Variants in ERAP2 observed in about 807,000 individuals in gnomAD.
ERAP2 encodes endoplasmic reticulum aminopeptidase 2, also known as leukocyte-derived arginine aminopeptidase.
ERAP2 carries 118 observed loss-of-function variants against 111.1 expected under a neutral mutation model. The observed-to-expected ratio is 1.06, with a 90% CI of 0.92 to 1.24. The LOEUF is 1.24. ERAP2 is among the 50% of genes most tolerant of loss of function. ERAP2 has a pLI of 0.00. For missense variants in ERAP2, 1,131 were observed against 1,125.8 expected (o/e 1.00, Z -0.07); for synonymous variants, 410 against 401.2 (o/e 1.02, Z -0.26).
intron 7 of ERAP2, 122 bp from the exon 8 acceptor site, chr5:96,896,251 T>G: frequency 1.4e-6 from 1 of 733,700 alleles, no homozygotes. Context: ...AAAAGAAACA[T>G]CTCCCAAGAA....
rs780517450 is a variant in ERAP2, at chr5:96,886,745, T to C, written c.805T>C (p.Cys269Arg). 1.3e-6 allele frequency: 2 copies of C among 1,535,926 alleles called. No individual in the cohort carries two copies. The highest frequency in any genetic ancestry group is 1.8e-6 in the Non-Finnish European group (2 of 1,126,386). ...MSTYLVAYIVCDFHSLSGFTS... is the reference protein window; with the variant it reads ...MSTYLVAYIVRDFHSLSGFTS... Reference sequence around the variant, plus strand: ...TACATACCTTGTAGCCTACATAGTTTGTGATTTCCACTCTCTGAGTGGCTT... The same window carrying C: ...TACATACCTTGTAGCCTACATAGTTCGTGATTTCCACTCTCTGAGTGGCTT... Residue 269 changes from cysteine (C) to arginine (R), a missense_variant, in exon 4 of 19, where the codon TGT becomes CGT. Cys to Arg is a radical substitution (Grantham distance 180). Coordinates refer to ENST00000437043, the MANE Select transcript of ERAP2 (RefSeq NM_022350.5).
Position 96,880,156 on chromosome 5 carries a change from G to A in ERAP2, c.471G>A (p.Thr157=), listed in dbSNP as rs751958377. 1.2e-5 allele frequency: 19 copies of A among 1,613,888 alleles called. 1 individual carries two copies. The highest frequency in any genetic ancestry group is 1.7e-5 in the Admixed American group (1 of 59,968). ...QIALLVPEKL[T]PHLKYYVAMD... is the part of the protein sequence containing the mutation. ...CACTGCTGGTTCCAGAGAAACTTAC[G>A]CCTCACCTGAAATACTATGTGGCTA... The change falls in exon 2 of 19, where the codon ACG becomes ACA. Residue 157 remains threonine, a synonymous_variant. Transcript: ENST00000437043.
chr5:96,881,426 G>C, intron 2 of ERAP2: 1 of 456,208 alleles, frequency 2.2e-6, no homozygotes, highest in Non-Finnish European at 4.4e-6. Flanking sequence ...GAAGAATCAA[G>C]GATGCTTCAT....
chr5:96,883,771 TG>T lies in ERAP2; in HGVS notation c.576-16del, dbSNP rs747920343. ...CTTGATTTCACTTGTGCATTTTGGCTGGGGGTGGGTCTTTTCACAGAATTCT... is the reference window on the plus strand; with the variant it reads ...CTTGATTTCACTTGTGCATTTTGGCTGGGGTGGGTCTTTTCACAGAATTCT... On this transcript the variant is annotated intron_variant, in intron 2 of 18. Coordinates refer to ENST00000437043, the MANE Select transcript of ERAP2 (RefSeq NM_022350.5). 2.5e-6 allele frequency: 4 copies of T among 1,601,972 alleles called. No individual in the cohort carries two copies. The highest frequency in any genetic ancestry group is 3.4e-6 in the Non-Finnish European group (4 of 1,175,248).
At position 96,888,950 on chromosome 5, in the gene ERAP2, A is replaced by T. The variant is rs558477855; in HGVS notation, c.850-235A>T. On this transcript the variant is annotated intron_variant, in intron 4 of 18. Coordinates refer to ENST00000437043, the MANE Select transcript of ERAP2 (RefSeq NM_022350.5). ...GGTTAACATGATTTGAAAGTTACAG[A>T]TGAGCACTGAGGAAATGGATTGTAA... Among the ~76,000 whole-genome samples the T allele has an allele frequency of 5.4e-4, 83 of 152,348 alleles. No individual in the cohort carries two copies. The South Asian group carries it at 0.016, about 30-fold the overall frequency.
intron 15 of ERAP2, among the ~76,000 whole-genome samples, chr5:96,911,921 G>A (rs915541815): frequency 2.7e-5 from 4 of 149,498 alleles, no homozygotes; most frequent in African/African-American, 7.4e-5. Flanking sequence ...CGGGCGCGGT[G>A]GCTCACGCCT....
At chr5:96,891,167 T>C (rs1784305294) in intron 5 of ERAP2, among the ~76,000 whole-genome samples, 1 of 152,146 alleles carries the variant, frequency 6.6e-6, no homozygotes, top group Non-Finnish European at 1.5e-5. Flanking sequence ...ACAATGTAAT[T>C]ATAAGCCAAG....
chr5:96,886,202 T>C (rs1347605696), intron 3 of ERAP2, among the ~76,000 whole-genome samples: 1 of 152,194 alleles, frequency 6.6e-6, no homozygotes, highest in Non-Finnish European at 1.5e-5. Flanking sequence ...GATTAAAAGA[T>C]AATGTGCAGC....
chr5:96,902,374 A>G (rs939572196), intron 12 of ERAP2, 21 bp downstream of exon 12: 2 of 1,484,068 alleles, frequency 1.3e-6, no homozygotes, highest in Non-Finnish European at 1.9e-6. Flanking sequence ...AATTAGCCAA[A>G]CAGGTATTTC....
chr5:96,893,794 TG>T (rs2151154717), intron 6 of ERAP2, among the ~76,000 whole-genome samples: 1 of 152,322 alleles, frequency 6.6e-6, no homozygotes, highest in South Asian at 2.1e-4. Context: ...TGTCTTAGCT[TG>T]GCATACAAGG....
rs1244298032 is a variant in ERAP2 at position 96,912,799 on chromosome 5, G to C, written c.2516+1G>C. The stretch of plus-strand genomic sequence containing the variant: ...GCAAGCATCAGGAAAAGTTACTGAA[G>C]TAAGTTCAATAATTTAACTAAATTG... On this transcript the variant is annotated splice_donor_variant, in intron 16 of 18. Coordinates refer to ENST00000437043, the MANE Select transcript of ERAP2 (RefSeq NM_022350.5). LOFTEE classifies it high-confidence loss of function. 4 of 1,590,316 alleles carry C rather than the reference G, an allele frequency of 2.5e-6. No homozygotes were observed.
intron 9 of ERAP2, among the ~76,000 whole-genome samples, chr5:96,898,533 G>T (rs1473733290): frequency 1.4e-5 from 2 of 144,124 alleles, no homozygotes; most frequent in Non-Finnish European, 3.0e-5. Flanking sequence ...CCTGAGGTCA[G>T]TCTGGCCAAC....
chr5:96,889,612 G>T, intron 5 of ERAP2: 1 of 652,466 alleles, frequency 1.5e-6, no homozygotes, highest in Non-Finnish European at 2.7e-6. Flanking sequence ...CCAGGTAGAG[G>T]GTCCAGGAAA....
At chr5:96,897,263 G>T (rs934734989) in intron 9 of ERAP2, among the ~76,000 whole-genome samples, 1 of 152,150 alleles carries the variant, frequency 6.6e-6, no homozygotes, top group Non-Finnish European at 1.5e-5. Context: ...CTTATAAGAA[G>T]AAATCTTGCT....
intron 15 of ERAP2, among the ~76,000 whole-genome samples, chr5:96,911,395 TAG>T (rs1380265622): frequency 1.3e-5 from 2 of 152,174 alleles, no homozygotes; most frequent in Admixed American, 1.3e-4. Context: ...TATGCCCACT[TAG>T]AATAAAAACT....
intron 9 of ERAP2, among the ~76,000 whole-genome samples, chr5:96,898,507 C>T (rs1410119424): frequency 3.5e-5 from 5 of 144,486 alleles, no homozygotes; most frequent in East Asian, 2.0e-4. Context: ...TTTGGGAGAC[C>T]GAGGTGGGCA....
rs1249228673 is a variant in ERAP2 at position 96,903,567 on chromosome 5, C to T, written c.2012+7C>T. 6.3e-7 allele frequency: 1 copy of T among 1,585,370 alleles called. No homozygotes were observed. The highest frequency in any genetic ancestry group is 1.9e-5 in the Admixed American group (1 of 53,518). The stretch of plus-strand genomic sequence containing the variant: ...ATGTGTTTCAGCTAGTTGGGTAAGG[C>T]AACATTTCCTCTGACTTCATGCAAA... On this transcript the variant is annotated splice_region_variant and intron_variant, in intron 13 of 18. Transcript: ENST00000437043.
chr5:96,917,629 G>A lies in ERAP2; in HGVS notation c.*24G>A, dbSNP rs1340806352. 4.4e-6 allele frequency: 7 copies of A among 1,598,076 alleles called. No homozygotes were observed. The highest frequency in any genetic ancestry group is 6.0e-6 in the Non-Finnish European group (7 of 1,170,814). The stretch of plus-strand genomic sequence containing the variant: ...AAATGGTCAATAGAAAAAGTAGGCT[G>A]GGCGCGGTGGCTCACGCCTGTAATC... On this transcript the variant is annotated 3_prime_UTR_variant, in exon 19 of 19. Transcript: ENST00000437043.
intron 1 of ERAP2, among the ~76,000 whole-genome samples, chr5:96,879,120 G>A (rs2151111113): frequency 6.6e-6 from 1 of 152,294 alleles, no homozygotes; most frequent in Admixed American, 6.5e-5. Context: ...TCTGGAGGCT[G>A]AGGTGGGAGG....
Sources: gnomAD v4.1 joint callset for allele counts (sites outside exome capture counted in the v4.1 genomes callset) on GRCh38, gnomAD v4.1.1 for gene constraint, MANE v1.5 for transcripts, NCBI Gene and HGNC (gene_info 2026-07-23, HGNC 2026-07-21) for gene names.